HARS1: variants seen among roughly 807,000 people sequenced by gnomAD.
The protein encoded by HARS1 is histidyl-tRNA synthetase 1.
Under a neutral mutation model 63.6 loss-of-function variants are expected in HARS1, and 45 were observed. The ratio of observed to expected loss-of-function variants is 0.71; its 90% CI spans 0.56 to 0.91. The LOEUF (loss-of-function observed/expected upper bound fraction) is 0.91, where lower values mean the gene tolerates loss of function less well. HARS1 is among the 40% of genes least tolerant of loss of function. The probability of loss-of-function intolerance (pLI) is 0.00; values close to 1 mark genes in which losing one functional copy is unlikely to be tolerated. For missense variants in HARS1, 508 were observed against 643.2 expected (o/e 0.79, Z 2.27); for synonymous variants, 205 against 247.1 (o/e 0.83, Z 1.60).
At chr5:140,677,286 C>A in intron 8 of HARS1, 41 bp downstream of exon 8, 1 of 1,485,892 alleles carries the variant, frequency 6.7e-7, no homozygotes, top group Non-Finnish European at 9.4e-7. Context: ...GGACTGAGGG[C>A]AGTGGGACGG....
In HARS1 at chr5:140,691,357, G is replaced by C. The variant is rs1202465353; in HGVS notation, c.-53C>G. ...GTCTCGACCTGCGGTGGTTGCCCCA[G>C]CCTCAGCAAGGATGACTTCCGGCTA... On this transcript the variant is annotated 5_prime_UTR_variant, in exon 1 of 13. Coordinates refer to ENST00000504156, the MANE Select transcript of HARS1 (RefSeq NM_002109.6). 7 of 1,377,886 alleles carry C rather than the reference G, an allele frequency of 5.1e-6. No individual in the cohort carries two copies. In the South Asian group the frequency reaches 7.5e-5, roughly 15 times the overall value. The allele number at this position is 1,377,886 out of a possible 1,614,324, so 85.4% of individuals were successfully genotyped here. A position where few individuals can be genotyped will look rare whatever the true frequency, so the allele number is the denominator to read the frequency against.
At chr5:140,690,531 G>A (rs1035168305) in intron 2 of HARS1, among the ~76,000 whole-genome samples, 1 of 152,160 alleles carries the variant, frequency 6.6e-6, no homozygotes, top group Non-Finnish European at 1.5e-5. Context: ...ATGAGGGTAG[G>A]CTATATTGTC....
rs760726168 is a variant in HARS1 at position 140,675,108 on chromosome 5, G to A, written c.1220C>T (p.Thr407Met). The A allele has an allele frequency of 6.8e-6, 11 of 1,611,546 alleles. No homozygotes were observed. Among genetic ancestry groups the A allele is most frequent in the African/African-American group, 4.0e-5 (3 of 74,848 alleles). The change falls in exon 11 of 13, where the codon ACG becomes ATG. Residue 407 changes from threonine (T) to methionine (M), a missense_variant. By Grantham distance (81) the Thr-to-Met change is moderately conservative (BLOSUM62 -1). Coordinates refer to ENST00000504156, the MANE Select transcript of HARS1 (RefSeq NM_002109.6). ...LEALEEKIRTTETQVLVASAQ... is the reference protein window; with the variant it reads ...LEALEEKIRTMETQVLVASAQ... ...AGATGCCACAAGCACCTGTGTCTCC[G>A]TGGTCCGTATCTTCTCCTCCAAAGC...
In HARS1 at chr5:140,690,961, G is replaced by T. The variant is rs373242229; in HGVS notation, c.91-17C>A. On this transcript the variant is annotated splice_polypyrimidine_tract_variant and intron_variant, in intron 1 of 12. Transcript: ENST00000504156. ...CTCCTCGATCTGTGGAGGGAAAGAA[G>T]GCGCTGAGCTATCCATCTGTCACTC... 1.1e-5 allele frequency: 16 copies of T among 1,457,766 alleles called. No homozygotes were observed. In the African/African-American group the frequency reaches 2.1e-4, roughly 19 times the overall value. 90.3% of individuals were successfully genotyped at this position (1,457,766 alleles called of 1,614,324 possible).
At chr5:140,677,177 C>G in intron 8 of HARS1, 61 bp from the exon 9 acceptor site, 2 of 1,590,178 alleles carry the variant, frequency 1.3e-6, no homozygotes, top group Non-Finnish European at 1.7e-6. Flanking sequence ...GGAGGGTTGA[C>G]CTTCTTGCCT....
intron 1 of HARS1, 107 bp downstream of exon 1, chr5:140,691,108 A>G: frequency 1.0e-6 from 1 of 990,036 alleles, no homozygotes. Context: ...TCTCCTCCCT[A>G]CAAGACTGGT....
intron 2 of HARS1, among the ~76,000 whole-genome samples, 177 bp downstream of exon 2, chr5:140,690,678 T>C (rs986885461): frequency 6.6e-6 from 1 of 152,144 alleles, no homozygotes; most frequent in African/African-American, 2.4e-5. Flanking sequence ...TGCCATCACT[T>C]TGCCATCCCA....
In HARS1 at chr5:140,677,042, C is replaced by T. The variant is rs2149823422; in HGVS notation, c.898G>A (p.Gly300Arg). Residue 300 changes from glycine to arginine, a missense_variant, in exon 9 of 13, where the codon GGA becomes AGA. Gly to Arg is a moderately radical substitution (Grantham distance 125). Transcript: ENST00000504156. The part of the protein sequence containing the change: ...SQNKQALEGL[G>R]DLKLLFEYLT... ...TACTCAAAGAGCAACTTCAGGTCTC[C>T]CAGGCCCTCCAAGGCCTGCTTGTTT... 6.2e-7 allele frequency: 1 copy of T among 1,614,132 alleles called. No homozygotes were observed. The highest frequency in any genetic ancestry group is 1.1e-5 in the South Asian group (1 of 91,082).
intron 5 of HARS1, 30 bp from the exon 6 acceptor site, chr5:140,678,045 C>T (rs1184422845): frequency 8.1e-7 from 1 of 1,232,876 alleles, no homozygotes; most frequent in African/African-American, 1.5e-5. Context: ...CAGCGGTCTT[C>T]AGGGATTCAC....
Position 140,675,662 on chromosome 5 carries a change from A to C in HARS1, c.1195-529T>G, listed in dbSNP as rs141765732. ...GGGTCCACCAAAGCATTCACACAGAAGTACTACTATGAGCCCACCCCAATT... is the reference window on the plus strand; with the variant it reads ...GGGTCCACCAAAGCATTCACACAGACGTACTACTATGAGCCCACCCCAATT... On this transcript the variant is annotated intron_variant, in intron 10 of 12. Coordinates refer to ENST00000504156, the MANE Select transcript of HARS1 (RefSeq NM_002109.6). 2.8e-3 allele frequency: 420 copies of C among 152,260 alleles called. 3 individuals carry two copies. The highest frequency in any genetic ancestry group is 0.014 in the Middle Eastern group (4 of 296). The allele number at this position is 152,260 out of a possible 1,614,324, so 9.4% of individuals were successfully genotyped here.
chr5:140,674,658 C>T (rs368916121), intron 12 of HARS1, 21 bp downstream of exon 12: 7 of 1,613,962 alleles, frequency 4.3e-6, no homozygotes, highest in African/African-American at 1.3e-5. Flanking sequence ...GTCCCTTAGC[C>T]TTCCTGCCCA....
At position 140,674,023 on chromosome 5, in the gene HARS1, G is replaced by A. The variant is rs1250115276; in HGVS notation, c.*234C>T. 6 of 608,218 alleles carry A rather than the reference G, an allele frequency of 9.9e-6. No homozygotes were observed. Among genetic ancestry groups the A allele is most frequent in the Admixed American group, 2.6e-5 (1 of 38,458 alleles). 37.7% of individuals were successfully genotyped at this position (608,218 alleles called of 1,614,324 possible). A position where few individuals can be genotyped will look rare whatever the true frequency, so the allele number is the denominator to read the frequency against. ...CAGGCTGGGTCCTTGTAGCCCAGGA[G>A]CACAGACTGGACTAAGCCTCCTGGG... On this transcript the variant is annotated 3_prime_UTR_variant, in exon 13 of 13. Transcript: ENST00000504156.
At chr5:140,674,641 A>G in intron 12 of HARS1, 38 bp downstream of exon 12, 1 of 1,612,772 alleles carries the variant, frequency 6.2e-7, no homozygotes. Flanking sequence ...AATGGCATAC[A>G]TTCTCTGTCC....
At chr5:140,691,031 T>C (rs1759392012) in intron 1 of HARS1, 87 bp from the exon 2 acceptor site, 3 of 963,460 alleles carry the variant, frequency 3.1e-6, no homozygotes, top group Non-Finnish European at 5.0e-6. Flanking sequence ...CCTCATCACA[T>C]CTCTCTGCTC....
chr5:140,678,083 C>T, intron 5 of HARS1, 68 bp from the exon 6 acceptor site: 2 of 835,662 alleles, frequency 2.4e-6, no homozygotes, highest in Non-Finnish European at 2.1e-6. Flanking sequence ...TCTGGGAGCT[C>T]TGTCCTCTAG....
rs529874447 is a variant in HARS1 at position 140,689,657 on chromosome 5, A to C, written c.180+1198T>G. 4.6e-5 allele frequency among the ~76,000 whole-genome samples: 7 copies of C among 152,238 alleles called. No individual in the cohort carries two copies. The South Asian group carries it at 6.2e-4, about 14-fold the overall frequency. Reference sequence around the variant, plus strand: ...AATGGTTTTGATCCACAGTTGGTTGAATCTGTGAATGTGGGACCTTGGGAT... The same window carrying C: ...AATGGTTTTGATCCACAGTTGGTTGCATCTGTGAATGTGGGACCTTGGGAT... On this transcript the variant is annotated intron_variant, in intron 2 of 12. Coordinates refer to ENST00000504156, the MANE Select transcript of HARS1 (RefSeq NM_002109.6).
At position 140,676,631 on chromosome 5, in the gene HARS1, T is replaced by C; in HGVS notation, c.1194+23A>G. 6.2e-7 allele frequency: 1 copy of C among 1,610,092 alleles called. No homozygotes were observed. Among genetic ancestry groups the C allele is most frequent in the Non-Finnish European group, 8.5e-7 (1 of 1,176,862 alleles). On this transcript the variant is annotated intron_variant, in intron 10 of 12. Transcript: ENST00000504156. The surrounding 1 kb of genome is among the most constrained non-coding windows in gnomAD (Gnocchi z 4.1). Reference sequence around the variant, plus strand: ...GTGCCACCACCTGCTCAGACTATCTTCTACCTACCTCCTAGGACCTACCTC... The same window carrying C: ...GTGCCACCACCTGCTCAGACTATCTCCTACCTACCTCCTAGGACCTACCTC...
rs116411189 is a variant in HARS1 at position 140,684,767 on chromosome 5, A to C, written c.181-1548T>G. The stretch of plus-strand genomic sequence containing the variant: ...TACTGTATTAGAATTAGAACGGCAA[A>C]AATTTTAAAATATTTATTCATTTAA... On this transcript the variant is annotated intron_variant, in intron 2 of 12. Transcript: ENST00000504156. 381 of 152,370 alleles carry C rather than the reference A, an allele frequency of 2.5e-3. 2 individuals are homozygous for C. Among genetic ancestry groups the C allele is most frequent in the African/African-American group, 8.8e-3 (367 of 41,582 alleles). The allele number at this position is 152,370 out of a possible 1,614,324, so 9.4% of individuals were successfully genotyped here.
At position 140,691,299 on chromosome 5, in the gene HARS1, T is replaced by C; in HGVS notation, c.6A>G (p.Ala2=). 6.2e-7 allele frequency: 1 copy of C among 1,605,208 alleles called. No individual in the cohort carries two copies. Among genetic ancestry groups the C allele is most frequent in the Non-Finnish European group, 8.5e-7 (1 of 1,178,538 alleles). ...CCAGCTCCTCCAGCGCCGCACGCTC[T>C]GCCATCCCGGCTGTCCACTTGAGCC... M[A]ERAALEELVK... The change falls in exon 1 of 13, where the codon GCA becomes GCG. Residue 2 remains alanine, a synonymous_variant. Transcript: ENST00000504156.
Sources: allele counts gnomAD v4.1 joint callset (sites outside exome capture counted in the v4.1 genomes callset), GRCh38; gene constraint gnomAD v4.1.1; non-coding constraint Gnocchi (gnomAD v3.1); transcripts MANE v1.5; gene names NCBI Gene and HGNC (gene_info 2026-07-23, HGNC 2026-07-21).